TNC: variants seen among roughly 807,000 people sequenced by gnomAD.
The protein encoded by TNC is tenascin.
In TNC, 109 loss-of-function variants were observed where a neutral mutation model predicts 202.4. That is an observed-to-expected ratio of 0.54 (90% CI 0.46 to 0.63). TNC has a LOEUF of 0.63. Among genes scored for constraint, TNC ranks in the 30% least tolerant of loss-of-function variants. The pLI is 0.00. For missense variants in TNC, 2,756 were observed against 2,833.3 expected (o/e 0.97, Z 0.62); for synonymous variants, 1,007 against 1,089.7 (o/e 0.92, Z 1.50).
chr9:115,094,814 CCTCTGTGTGT>C (rs1263602785), intron 1 of TNC, among the ~76,000 whole-genome samples: 3,603 of 66,732 alleles, frequency 0.054, 75 homozygotes, highest in Middle Eastern at 0.24. Flanking sequence ...AGAACAAGTG[CCTCTGTGTGT>C]GTGTGTGTGT....
intron 1 of TNC, among the ~76,000 whole-genome samples, chr9:115,107,605 A>C (rs1172817448): frequency 6.6e-6 from 1 of 152,174 alleles, no homozygotes; most frequent in Non-Finnish European, 1.5e-5. Flanking sequence ...TTTGAAAATT[A>C]ATTTGAGACT....
rs1255023169 is a variant in TNC, at chr9:115,073,628, C to G, written c.3189G>C (p.Lys1063Asn). ...CAGTGGATGCCTTCACACGTGCGGG[C>G]TTGCTCTTGTGTCTGCCTTTCTCGG... ...LTAEKGRHKS[K>N]PARVKASTEQ... Residue 1063 changes from lysine to asparagine, a missense_variant, in exon 10 of 28, where the codon AAG (lysine) becomes AAC (asparagine). Around this residue, in one of 2 missense-constraint regions of TNC, gnomAD observed 2,559 missense variants for 2,546.0 expected, o/e 1.01. Coordinates refer to ENST00000350763, the MANE Select transcript of TNC (RefSeq NM_002160.4). The G allele has an allele frequency of 6.2e-7, 1 of 1,614,120 alleles. No individual in the cohort carries two copies. The highest frequency in any genetic ancestry group is 1.3e-5 in the African/African-American group (1 of 75,048).
In TNC at chr9:115,038,356, A is replaced by C. The variant is rs759616193; in HGVS notation, c.5417T>G (p.Val1806Gly). Residue 1806 changes from valine to glycine, a missense_variant, in exon 20 of 28, where the codon GTG becomes GGG. Transcript: ENST00000350763. ...TTALDGPSGL[V>G]TANITDSEAL... ...TTCTGAGTCAGTGATGTTGGCTGTC[A>C]CCAGGCCAGATGGGCCATCCAGAGC... 1 of 1,614,144 alleles carries C rather than the reference A, an allele frequency of 6.2e-7. No individual in the cohort carries two copies. The highest frequency in any genetic ancestry group is 8.5e-7 in the Non-Finnish European group (1 of 1,179,980).
intron 10 of TNC, among the ~76,000 whole-genome samples, chr9:115,067,244 G>T (rs1833022826): frequency 6.6e-6 from 1 of 152,164 alleles, no homozygotes; most frequent in Non-Finnish European, 1.5e-5. Context: ...AAATATTTCA[G>T]CAGTCCTGAT....
At chr9:115,045,423 G>A (rs1409676748) in intron 17 of TNC, among the ~76,000 whole-genome samples, 1 of 152,088 alleles carries the variant, frequency 6.6e-6, no homozygotes, top group Non-Finnish European at 1.5e-5. Flanking sequence ...TGGGAATGCA[G>A]TGGCACGAAC....
At chr9:115,098,299 CT>C (rs1835947830) in intron 1 of TNC, among the ~76,000 whole-genome samples, 1 of 152,154 alleles carries the variant, frequency 6.6e-6, no homozygotes, top group Non-Finnish European at 1.5e-5. Flanking sequence ...GTCGTAATGG[CT>C]TTTTAGCTCA....
intron 27 of TNC, among the ~76,000 whole-genome samples, chr9:115,022,214 T>C (rs1001366747): frequency 1.3e-5 from 2 of 152,258 alleles, no homozygotes; most frequent in South Asian, 4.1e-4. Context: ...ACATGGGCAG[T>C]TTCTGAGTCT....
At position 115,031,427 on chromosome 9, in the gene TNC, T is replaced by C. The variant is rs1325324759; in HGVS notation, c.5920+126A>G. 4 of 1,087,656 alleles carry C rather than the reference T, an allele frequency of 3.7e-6. No individual in the cohort carries two copies. The East Asian group carries it at 1.2e-4, about 31-fold the overall frequency. 67.4% of individuals were successfully genotyped at this position (1,087,656 alleles called of 1,614,324 possible). ...TTGCTTTCCTCAGGCTTCCAAGTAG[T>C]AGCAGTGAATCGATTCTTTTCAGAG... On this transcript the variant is annotated intron_variant, in intron 23 of 27. Transcript: ENST00000350763.
At chr9:115,083,485 T>C (rs1228471472) in intron 4 of TNC, among the ~76,000 whole-genome samples, 1 of 152,302 alleles carries the variant, frequency 6.6e-6, no homozygotes, top group South Asian at 2.1e-4. Context: ...CTACTCCTTG[T>C]TAGCTGCATG....
intron 25 of TNC, among the ~76,000 whole-genome samples, chr9:115,027,647 A>G (rs1829615545): frequency 6.6e-6 from 1 of 152,212 alleles, no homozygotes; most frequent in African/African-American, 2.4e-5. Flanking sequence ...ATGAAGGGCA[A>G]TGAATAATAT....
chr9:115,026,499 G>C (rs776778245), intron 26 of TNC, 35 bp downstream of exon 26: 9 of 1,600,780 alleles, frequency 5.6e-6, no homozygotes, highest in African/African-American at 2.7e-5. Context: ...AGGTCTCCAT[G>C]GCTTTGTAGG....
At chr9:115,074,469 TG>T (rs757232998) in intron 9 of TNC, among the ~76,000 whole-genome samples, 8 of 152,224 alleles carry the variant, frequency 5.3e-5, no homozygotes, top group Admixed American at 1.3e-4. Context: ...ATCTTGATCT[TG>T]GACTTCGCAG....
At chr9:115,038,490 C>T (rs964486478) in intron 19 of TNC, 110 bp from the exon 20 acceptor site, 8 of 1,405,264 alleles carry the variant, frequency 5.7e-6, no homozygotes, top group Admixed American at 4.5e-5. Context: ...ACAGTGTCAG[C>T]TGCATGGAAT....
intron 7 of TNC, 121 bp downstream of exon 7, chr9:115,077,822 G>T: frequency 9.6e-7 from 1 of 1,044,738 alleles, no homozygotes; most frequent in Non-Finnish European, 1.4e-6. Context: ...TACAGGAGTA[G>T]AAATACCCCT....
At chr9:115,097,135 G>A (rs545602530) in intron 1 of TNC, among the ~76,000 whole-genome samples, 1 of 151,966 alleles carries the variant, frequency 6.6e-6, no homozygotes, top group Non-Finnish European at 1.5e-5. Context: ...GAAAGAGTCT[G>A]GTCTTTGGTG....
intron 6 of TNC, 84 bp downstream of exon 6, chr9:115,081,688 T>C: frequency 6.9e-7 from 1 of 1,451,720 alleles, no homozygotes. Context: ...GTAGATGCTA[T>C]ATGAGAAGGC....
intron 3 of TNC, among the ~76,000 whole-genome samples, chr9:115,085,100 A>G (rs1230665278): frequency 1.3e-5 from 2 of 152,354 alleles, no homozygotes; most frequent in Non-Finnish European, 2.9e-5. Flanking sequence ...AGAGGAGTAC[A>G]AAGAAGACAC....
At chr9:115,058,886 G>T (rs1241608001) in intron 14 of TNC, among the ~76,000 whole-genome samples, 2 of 152,216 alleles carry the variant, frequency 1.3e-5, no homozygotes, top group Non-Finnish European at 2.9e-5. Context: ...CTGAAGTCTT[G>T]TAACAGGGGT....
At chr9:115,044,057 T>G (rs1203231413) in intron 17 of TNC, among the ~76,000 whole-genome samples, 9 of 152,162 alleles carry the variant, frequency 5.9e-5, no homozygotes, top group Non-Finnish European at 2.9e-5. Context: ...CCCATGGTTG[T>G]TGGCTTAACC....
Sources: allele counts gnomAD v4.1 joint callset (sites outside exome capture counted in the v4.1 genomes callset), GRCh38; gene constraint gnomAD v4.1.1; regional missense constraint gnomAD v4.1.1; transcripts MANE v1.5; gene names NCBI Gene and HGNC (gene_info 2026-07-23, HGNC 2026-07-21).